LIMCH1: variants seen among roughly 807,000 people sequenced by gnomAD.
LIMCH1 encodes LIM and calponin homology domains-containing protein 1.
Under a neutral mutation model 176.5 loss-of-function variants are expected in LIMCH1, and 113 were observed. The observed-to-expected ratio is 0.64, with a 90% CI of 0.55 to 0.75. LIMCH1 has a LOEUF of 0.75. LIMCH1 is among the 30% of genes least tolerant of loss of function. LIMCH1 has a pLI of 0.00. For synonymous variants in LIMCH1, 619 were observed against 645.9 expected (o/e 0.96, Z 0.63); for missense variants, 1,674 against 1,814.9 (o/e 0.92, Z 1.41).
At chr4:41,395,294 G>A (rs1053368347) in intron 1 of LIMCH1, among the ~76,000 whole-genome samples, 5 of 147,794 alleles carry the variant, frequency 3.4e-5, no homozygotes, top group African/African-American at 7.6e-5. Context: ...GGGCAGTGGC[G>A]CAATCTCGGC....
At chr4:41,548,749 G>A (rs13113061) in intron 1 of LIMCH1, among the ~76,000 whole-genome samples, 37,331 of 151,852 alleles carry the variant, frequency 0.25, 7,407 homozygotes, top group African/African-American at 0.55. Context: ...TCCCCATCTC[G>A]TTTTTTCCTT....
Position 41,641,394 on chromosome 4 carries a change from G to T in LIMCH1, c.2126+2427G>T, listed in dbSNP as rs1377022417. ...ATTCTCAACTTCTTAATTTTTTTTT[G>T]AAAATGGCATAAATATATCACTCAT... On this transcript the variant is annotated intron_variant, in intron 14 of 31. Transcript: ENST00000503057. 2.0e-5 allele frequency among the ~76,000 whole-genome samples: 3 copies of T among 149,728 alleles called. No individual in the cohort carries two copies. In the East Asian group the frequency reaches 5.8e-4, roughly 29 times the overall value.
rs915358790 is a variant in LIMCH1 at position 41,452,307 on chromosome 4, G to A, written c.97-42229G>A. Among the ~76,000 whole-genome samples the A allele has an allele frequency of 2.6e-5, 4 of 152,142 alleles. No homozygotes were observed. In the East Asian group the frequency reaches 7.7e-4, roughly 29 times the overall value. On this transcript the variant is annotated intron_variant, in intron 1 of 26. Coordinates refer to the LIMCH1 transcript ENST00000313860. ...GACTTGGCCTTATTTCCTTTCATAA[G>A]CCTTCATTATAGCTGTTTGGTACAT...
At chr4:41,365,072 G>A (rs2068783) in intron 1 of LIMCH1, among the ~76,000 whole-genome samples, 77,278 of 152,082 alleles carry the variant, frequency 0.51, 21,807 homozygotes, top group African/African-American at 0.77. Context: ...GATGTCCTTC[G>A]ACTTGGTTTC....
intron 1 of LIMCH1, among the ~76,000 whole-genome samples, chr4:41,482,663 C>CT (rs2068846428): frequency 6.6e-6 from 1 of 152,128 alleles, no homozygotes; most frequent in African/African-American, 2.4e-5. Flanking sequence ...GAAAAAAGGA[C>CT]TGGAAAGGGA....
chr4:41,424,475 A>T (rs2060897641), intron 1 of LIMCH1, among the ~76,000 whole-genome samples: 1 of 152,228 alleles, frequency 6.6e-6, no homozygotes, highest in African/African-American at 2.4e-5. Flanking sequence ...TTGGGGCCAA[A>T]CGCCTTTCAT....
chr4:41,588,980 C>G (rs79119108), intron 1 of LIMCH1, among the ~76,000 whole-genome samples: 1 of 152,304 alleles, frequency 6.6e-6, no homozygotes, highest in Non-Finnish European at 1.5e-5. Flanking sequence ...GGATCATTGT[C>G]CCAGGCTAAC....
chr4:41,589,166 GGT>G (rs1362169381), intron 1 of LIMCH1, among the ~76,000 whole-genome samples: 1 of 152,180 alleles, frequency 6.6e-6, no homozygotes, highest in African/African-American at 2.4e-5. Context: ...TGAAAGAGCA[GGT>G]GTTATAGGTG....
At chr4:41,586,501 G>A (rs1217442938) in intron 1 of LIMCH1, among the ~76,000 whole-genome samples, 1 of 152,116 alleles carries the variant, frequency 6.6e-6, no homozygotes, top group Admixed American at 6.5e-5. Context: ...ACTGCTCTCA[G>A]TCATATTTTA....
In LIMCH1 at chr4:41,619,354, T is replaced by G; in HGVS notation, c.372T>G (p.Pro124=). Residue 124 remains proline, a synonymous_variant, in exon 6 of 32, where the codon CCT becomes CCG. Transcript: ENST00000503057. ...KSNQTAYVPA[P]LRKKKAEREE... is the part of the protein sequence containing the mutation. ...ATCAGACGGCCTACGTCCCCGCGCC[T>G]CTGAGAAAGAAGAAAGCAGAGAGAG... is the stretch of plus-strand genomic sequence containing the variant. The G allele has an allele frequency of 6.2e-7, 1 of 1,614,064 alleles. No homozygotes were observed.
intron 2 of LIMCH1, among the ~76,000 whole-genome samples, chr4:41,511,180 C>G (rs1399955780): frequency 6.6e-6 from 1 of 152,206 alleles, no homozygotes; most frequent in Admixed American, 6.5e-5. Flanking sequence ...CTCATCAGCC[C>G]TGTCCATTTG....
chr4:41,632,332 T>C (rs2093367605), intron 10 of LIMCH1, among the ~76,000 whole-genome samples: 1 of 152,162 alleles, frequency 6.6e-6, no homozygotes, highest in African/African-American at 2.4e-5. Flanking sequence ...ATGGATGGCC[T>C]ATGACCTATA....
chr4:41,660,768 G>T (rs2094590797), intron 18 of LIMCH1, among the ~76,000 whole-genome samples: 1 of 152,268 alleles, frequency 6.6e-6, no homozygotes, highest in East Asian at 1.9e-4. Context: ...GAATCCATGG[G>T]AATAATTGAT....
At position 41,646,608 on chromosome 4, in the gene LIMCH1, G is replaced by A; in HGVS notation, c.2535G>A (p.Leu845=). Residue 845 remains leucine (L), a synonymous_variant, in exon 17 of 32, where the codon TTG becomes TTA. Transcript: ENST00000503057. Reference sequence around the variant, plus strand: ...TCAGTGAGGCTGTTCTCGAACGCTTGGAGATGCCAAAAATTCTGGAAAGAA... The same window carrying A: ...TCAGTGAGGCTGTTCTCGAACGCTTAGAGATGCCAAAAATTCTGGAAAGAA... The part of the protein sequence containing the change: ...FTISEAVLER[L]EMPKILERSH... 2 of 1,614,180 alleles carry A rather than the reference G, an allele frequency of 1.2e-6. No individual in the cohort carries two copies. The highest frequency in any genetic ancestry group is 8.5e-7 in the Non-Finnish European group (1 of 1,180,038).
intron 1 of LIMCH1, among the ~76,000 whole-genome samples, chr4:41,596,156 C>G (rs902147438): frequency 6.6e-6 from 1 of 151,656 alleles, no homozygotes; most frequent in Non-Finnish European, 1.5e-5. Context: ...TATCTCCATA[C>G]GTGCTCATAA....
At chr4:41,574,679 A>C (rs1486657167) in intron 1 of LIMCH1, among the ~76,000 whole-genome samples, 1 of 152,092 alleles carries the variant, frequency 6.6e-6, no homozygotes, top group Non-Finnish European at 1.5e-5. Context: ...TCATTGTTTT[A>C]ATGTGTTGAA....
chr4:41,606,035 G>A, intron 4 of LIMCH1, 31 bp downstream of exon 4: 1 of 1,458,516 alleles, frequency 6.9e-7, no homozygotes, highest in South Asian at 1.1e-5. Flanking sequence ...TATCCCATAA[G>A]CGTTAGACAA....
intron 1 of LIMCH1, among the ~76,000 whole-genome samples, chr4:41,482,902 G>A (rs1299595449): frequency 6.6e-6 from 1 of 152,134 alleles, no homozygotes; most frequent in Non-Finnish European, 1.5e-5. Context: ...GCTTATGCTG[G>A]GGGGCTGAGA....
intron 1 of LIMCH1, among the ~76,000 whole-genome samples, chr4:41,411,004 A>G (rs2154123397): frequency 6.6e-6 from 1 of 152,288 alleles, no homozygotes; most frequent in South Asian, 2.1e-4. Context: ...CACCACCATC[A>G]GGTTATTTCT....
Sources: allele counts gnomAD v4.1 joint callset (sites outside exome capture counted in the v4.1 genomes callset), GRCh38; gene constraint gnomAD v4.1.1; transcripts MANE v1.5; gene names NCBI Gene and HGNC (gene_info 2026-07-23, HGNC 2026-07-21).